The following JAM3 variants were observed in gnomAD, a reference collection of about 807,000 sequenced individuals.
JAM3 encodes the protein junctional adhesion molecule C.
Under a neutral mutation model 39.4 loss-of-function variants are expected in JAM3, and 31 were observed. That is an observed-to-expected ratio of 0.79 (90% CI 0.59 to 1.06). The LOEUF is 1.06. JAM3 is among the 50% of genes least tolerant of loss of function. The pLI is 0.00. For missense variants in JAM3, 455 were observed against 391.4 expected (o/e 1.16, Z -1.37); for synonymous variants, 182 against 148.7 (o/e 1.22, Z -1.63).
intron 1 of JAM3, among the ~76,000 whole-genome samples, chr11:134,099,531 G>C (rs931080505): frequency 6.6e-6 from 1 of 152,266 alleles, no homozygotes; most frequent in African/African-American, 2.4e-5. Flanking sequence ...CATTTGTAAG[G>C]CAAGTTGTGC....
chr11:134,114,465 G>C (rs904510856), intron 1 of JAM3, among the ~76,000 whole-genome samples: 3 of 152,016 alleles, frequency 2.0e-5, no homozygotes, highest in Admixed American at 6.5e-5. Flanking sequence ...TCTTGTTTTT[G>C]TCAGGTTTGT....
At chr11:134,111,654 A>G (rs1418935462) in intron 1 of JAM3, among the ~76,000 whole-genome samples, 2 of 152,146 alleles carry the variant, frequency 1.3e-5, no homozygotes, top group African/African-American at 4.8e-5. Flanking sequence ...AGACCCTACA[A>G]TGTACCAAGG....
At chr11:134,126,451 C>T (rs1185935636) in intron 1 of JAM3, 1 of 152,260 alleles carries the variant, frequency 6.6e-6, no homozygotes, top group African/African-American at 2.4e-5. Context: ...TCATCTGTTG[C>T]TGAGAGCTGA....
chr11:134,094,904 T>G (rs552093078), intron 1 of JAM3, among the ~76,000 whole-genome samples: 2 of 152,334 alleles, frequency 1.3e-5, no homozygotes, highest in Admixed American at 1.3e-4. Context: ...TGTTCGACAT[T>G]TGTTGAATAA....
chr11:134,095,594 G>A (rs1348241890), intron 1 of JAM3, among the ~76,000 whole-genome samples: 1 of 150,810 alleles, frequency 6.6e-6, no homozygotes, highest in Non-Finnish European at 1.5e-5. Flanking sequence ...TCGCGCCACT[G>A]CACTCCAGCC....
At position 134,149,270 on chromosome 11, in the gene JAM3, C is replaced by T. The variant is rs960991063; in HGVS notation, c.*89C>T. The T allele has an allele frequency of 3.6e-5, 54 of 1,486,930 alleles. No homozygotes were observed. The African/African-American group carries it at 4.7e-4, about 13-fold the overall frequency. 92.1% of individuals were successfully genotyped at this position (1,486,930 alleles called of 1,614,324 possible). ...TCAAGGCAGCGAGAGCTGATGCACT[C>T]GGACAGAGCTAGACACTCATTCAGA... On this transcript the variant is annotated 3_prime_UTR_variant, in exon 9 of 9. Transcript: ENST00000299106.
chr11:134,119,451 G>A (rs1310359076), intron 1 of JAM3, among the ~76,000 whole-genome samples: 2 of 152,206 alleles, frequency 1.3e-5, no homozygotes, highest in Non-Finnish European at 2.9e-5. Context: ...AAGTGCCATT[G>A]CCAGAGTATT....
intron 1 of JAM3, among the ~76,000 whole-genome samples, chr11:134,097,122 C>T (rs1236874958): frequency 6.6e-6 from 1 of 152,066 alleles, no homozygotes; most frequent in Non-Finnish European, 1.5e-5. Flanking sequence ...ACACCCCATC[C>T]CCCGCATCCC....
chr11:134,077,837 A>G (rs10894777), intron 1 of JAM3, among the ~76,000 whole-genome samples: 23,104 of 151,402 alleles, frequency 0.15, 1,905 homozygotes, highest in African/African-American at 0.22. Context: ...TTTTTAGTAG[A>G]GACAGTGTTT....
At chr11:134,121,452 T>C (rs78088203) in intron 1 of JAM3, among the ~76,000 whole-genome samples, 2,412 of 151,626 alleles carry the variant, frequency 0.016, 60 homozygotes, top group African/African-American at 0.053. Flanking sequence ...TCCTGCCTTA[T>C]CATTCCCATC....
chr11:134,111,131 A>ATTTTT (rs1942300392), intron 1 of JAM3, among the ~76,000 whole-genome samples: 2 of 115,226 alleles, frequency 1.7e-5, no homozygotes, highest in African/African-American at 8.4e-5. Context: ...ACACACATCC[A>ATTTTT]TCTTTTTTTT....
chr11:134,074,225 A>G (rs1941528458), intron 1 of JAM3, among the ~76,000 whole-genome samples: 1 of 152,116 alleles, frequency 6.6e-6, no homozygotes, highest in Admixed American at 6.5e-5. Context: ...GTTACAGCAA[A>G]TTGTTTTCTG....
At chr11:134,077,009 A>G (rs1397316242) in intron 1 of JAM3, among the ~76,000 whole-genome samples, 1 of 151,688 alleles carries the variant, frequency 6.6e-6, no homozygotes, top group Admixed American at 6.6e-5. Flanking sequence ...TAATTTTTGT[A>G]TTTTTAGTAG....
At chr11:134,124,077 A>C in intron 1 of JAM3, 1 of 1,485,606 alleles carries the variant, frequency 6.7e-7, no homozygotes, top group Non-Finnish European at 9.4e-7. Context: ...GGTTTATAAC[A>C]GGTTTAACCA....
chr11:134,106,147 A>G (rs1416884867), intron 1 of JAM3, among the ~76,000 whole-genome samples: 3 of 152,136 alleles, frequency 2.0e-5, no homozygotes, highest in Admixed American at 2.0e-4. Context: ...GTACCAAAAC[A>G]GATATAGATC....
chr11:134,080,055 G>A (rs1271811425), intron 1 of JAM3, among the ~76,000 whole-genome samples: 1 of 151,852 alleles, frequency 6.6e-6, no homozygotes, highest in Admixed American at 6.6e-5. Context: ...GAATTCCTGT[G>A]TTTGTTTACC....
At chr11:134,141,270 C>T (rs978254850) in intron 3 of JAM3, among the ~76,000 whole-genome samples, 5 of 152,016 alleles carry the variant, frequency 3.3e-5, no homozygotes, top group African/African-American at 1.2e-4. Flanking sequence ...GGAAGGCTCC[C>T]CAAAGTGGCC....
At chr11:134,125,178 C>T (rs796823925) in intron 1 of JAM3, among the ~76,000 whole-genome samples, 1 of 152,234 alleles carries the variant, frequency 6.6e-6, no homozygotes, top group African/African-American at 2.4e-5. Context: ...ATCGTGCCGC[C>T]GCCACCGCCG....
intron 1 of JAM3, among the ~76,000 whole-genome samples, chr11:134,097,816 A>G (rs1357745439): frequency 1.3e-5 from 2 of 151,756 alleles, no homozygotes; most frequent in Non-Finnish European, 2.9e-5. Flanking sequence ...AGTGATCTTC[A>G]GATTTTTAAA....
Sources: allele counts gnomAD v4.1 joint callset (sites outside exome capture counted in the v4.1 genomes callset), GRCh38; gene constraint gnomAD v4.1.1; transcripts MANE v1.5; gene names NCBI Gene and HGNC (gene_info 2026-07-23, HGNC 2026-07-21).